SCFD2: variants seen among roughly 807,000 people sequenced by gnomAD.
The protein encoded by SCFD2 is sec1 family domain containing 2, also known as sec1 family domain-containing protein 2.
Under a neutral mutation model 58.9 loss-of-function variants are expected in SCFD2, and 54 were observed. That is an observed-to-expected ratio of 0.92 (90% CI 0.74 to 1.15). The LOEUF is 1.15. Ranked by LOEUF, SCFD2 falls within the 50% of genes most tolerant of loss-of-function variation. SCFD2 has a pLI of 0.00. For missense variants in SCFD2, 805 were observed against 836.6 expected (o/e 0.96, Z 0.47); for synonymous variants, 321 against 335.9 (o/e 0.96, Z 0.49).
intron 4 of SCFD2, among the ~76,000 whole-genome samples, chr4:53,207,480 T>TCAGCAAAAAATCAC (rs1293448555): frequency 3.2e-5 from 1 of 31,260 alleles, no homozygotes; most frequent in African/African-American, 1.3e-4. Flanking sequence ...TTGAAATATA[T>TCAGCAAAAAATCAC]TATATATATA....
intron 5 of SCFD2, among the ~76,000 whole-genome samples, chr4:53,060,386 A>C (rs560887718): frequency 3.3e-5 from 5 of 152,254 alleles, no homozygotes; most frequent in Non-Finnish European, 5.9e-5. Context: ...TCTCCAAGTG[A>C]GTTTTACATG....
At chr4:53,315,246 CAAA>C (rs72060767) in intron 2 of SCFD2, among the ~76,000 whole-genome samples, 9 of 79,574 alleles carry the variant, frequency 1.1e-4, no homozygotes, top group Non-Finnish European at 2.0e-4. Flanking sequence ...AGGAAAATGG[CAAA>C]AAAAAAAAAA....
At chr4:52,876,261 T>A (rs562230024) in intron 8 of SCFD2, among the ~76,000 whole-genome samples, 94 of 152,350 alleles carry the variant, frequency 6.2e-4, no homozygotes, top group African/African-American at 2.2e-3. Flanking sequence ...ATCGTGTATG[T>A]GGAGCACAGG....
At chr4:53,272,158 C>T (rs1052276587) in intron 4 of SCFD2, among the ~76,000 whole-genome samples, 20 of 152,262 alleles carry the variant, frequency 1.3e-4, no homozygotes, top group African/African-American at 4.1e-4. Context: ...AATGAGATAC[C>T]ATCTCACACC....
intron 4 of SCFD2, among the ~76,000 whole-genome samples, chr4:53,166,471 T>C (rs1209605149): frequency 6.6e-6 from 1 of 152,112 alleles, no homozygotes; most frequent in Admixed American, 6.6e-5. Context: ...CTTCATGTGT[T>C]TGAAATGGAC....
intron 3 of SCFD2, among the ~76,000 whole-genome samples, chr4:53,278,125 T>C (rs1731389563): frequency 6.6e-6 from 1 of 151,384 alleles, no homozygotes. Flanking sequence ...CCAGCACTTT[T>C]GGAGGCCGAG....
chr4:53,164,331 C>T (rs1218595687), intron 4 of SCFD2, among the ~76,000 whole-genome samples: 1 of 152,172 alleles, frequency 6.6e-6, no homozygotes, highest in East Asian at 1.9e-4. Context: ...CACCCCTACA[C>T]AGCCAACTCC....
chr4:53,084,029 T>C (rs1327036381), intron 5 of SCFD2, among the ~76,000 whole-genome samples: 4 of 152,050 alleles, frequency 2.6e-5, no homozygotes, highest in Non-Finnish European at 5.9e-5. Flanking sequence ...ATTGTCTTGA[T>C]AAACATCTTA....
chr4:52,897,594 T>A (rs1323941058), intron 7 of SCFD2, among the ~76,000 whole-genome samples: 3 of 152,234 alleles, frequency 2.0e-5, no homozygotes, highest in African/African-American at 7.2e-5. Context: ...TCAATGTTCA[T>A]CAAGGACATT....
intron 3 of SCFD2, among the ~76,000 whole-genome samples, chr4:53,296,632 A>G (rs764654655): frequency 2.0e-5 from 3 of 151,758 alleles, no homozygotes; most frequent in Non-Finnish European, 4.4e-5. Context: ...TTATGTCTCT[A>G]TCTCCTTCAG....
At chr4:53,275,077 C>T (rs1181924254) in intron 3 of SCFD2, among the ~76,000 whole-genome samples, 1 of 152,180 alleles carries the variant, frequency 6.6e-6, no homozygotes, top group Non-Finnish European at 1.5e-5. Flanking sequence ...ACAAACACAC[C>T]CTTTACTGAT....
chr4:52,979,939 A>G (rs1347477153), intron 5 of SCFD2, among the ~76,000 whole-genome samples: 3 of 151,964 alleles, frequency 2.0e-5, no homozygotes, highest in Non-Finnish European at 4.4e-5. Flanking sequence ...CCCCTCATTT[A>G]GGTTCTCATC....
intron 3 of SCFD2, among the ~76,000 whole-genome samples, chr4:53,310,190 CACTACATTAGTA>C: frequency 6.6e-6 from 1 of 152,230 alleles, no homozygotes; most frequent in Middle Eastern, 3.4e-3. Context: ...AGCCAGACTG[CACTACATTAGTA>C]AGAAAATAAT....
At chr4:52,904,936 G>A (rs1719310961) in intron 7 of SCFD2, among the ~76,000 whole-genome samples, 1 of 152,192 alleles carries the variant, frequency 6.6e-6, no homozygotes, top group African/African-American at 2.4e-5. Context: ...CTGGGCCTCA[G>A]TTTCCTCACT....
chr4:53,130,322 T>C (rs1450917765), intron 5 of SCFD2, among the ~76,000 whole-genome samples: 2 of 152,254 alleles, frequency 1.3e-5, no homozygotes, highest in African/African-American at 4.8e-5. Context: ...ATTGTTTAGA[T>C]GTCAGTGACA....
chr4:53,271,588 G>A (rs549505636), intron 4 of SCFD2, among the ~76,000 whole-genome samples: 24 of 151,886 alleles, frequency 1.6e-4, no homozygotes, highest in Non-Finnish European at 2.9e-4. Flanking sequence ...TCAGCCTCCC[G>A]AGTAGCTGGG....
intron 4 of SCFD2, among the ~76,000 whole-genome samples, chr4:53,191,641 G>A (rs770299183): frequency 2.0e-5 from 3 of 152,158 alleles, no homozygotes; most frequent in Non-Finnish European, 2.9e-5. Context: ...TCCTGGCCTC[G>A]TGATCCACCT....
chr4:53,115,696 G>T (rs143087073), intron 5 of SCFD2, among the ~76,000 whole-genome samples: 5 of 152,150 alleles, frequency 3.3e-5, no homozygotes, highest in African/African-American at 1.2e-4. Flanking sequence ...GGCTGACATG[G>T]TATTTCTACT....
At chr4:53,202,693 T>C (rs1728286587) in intron 4 of SCFD2, among the ~76,000 whole-genome samples, 1 of 152,296 alleles carries the variant, frequency 6.6e-6, no homozygotes, top group African/African-American at 2.4e-5. Flanking sequence ...GTATCCTCTT[T>C]TATTTCATTG....
Sources: gnomAD v4.1 joint callset for allele counts (sites outside exome capture counted in the v4.1 genomes callset) on GRCh38, gnomAD v4.1.1 for gene constraint, MANE v1.5 for transcripts, NCBI Gene and HGNC (gene_info 2026-07-23, HGNC 2026-07-21) for gene names.